The following PCDH11X variants were observed in gnomAD, a reference collection of about 807,000 sequenced individuals.
The protein encoded by PCDH11X is protocadherin-11 X-linked.
Under a neutral mutation model 53.3 loss-of-function variants are expected in PCDH11X, and 18 were observed. The observed-to-expected ratio is 0.34, with a 90% CI of 0.23 to 0.50. PCDH11X has a LOEUF of 0.50. Ranked by LOEUF, PCDH11X falls within the 20% of genes least tolerant of loss-of-function variation. The pLI is 0.98. For synonymous variants in PCDH11X, 279 were observed against 393.3 expected (o/e 0.71, Z 3.44); for missense variants, 570 against 1,032.4 (o/e 0.55, Z 6.14).
intron 6 of PCDH11X, among the ~76,000 whole-genome samples, chrX:92,016,289 T>C (rs1016550008): frequency 2.6e-4 from 28 of 109,167 alleles, no homozygotes; most frequent in African/African-American, 8.9e-4. Context: ...ATCATTGGCT[T>C]CAATTTAAAG....
intron 6 of PCDH11X, among the ~76,000 whole-genome samples, chrX:91,906,493 G>GTCAGAA (rs1239560458): frequency 9.1e-6 from 1 of 109,579 alleles, no homozygotes; most frequent in African/African-American, 3.3e-5. Context: ...GCATTTGGAG[G>GTCAGAA]TCAGAATCTA....
intron 10 of PCDH11X, among the ~76,000 whole-genome samples, chrX:92,534,796 C>G (rs973953345): frequency 9.0e-6 from 1 of 111,517 alleles, no homozygotes; most frequent in Admixed American, 9.5e-5. Context: ...TCATATCCAG[C>G]CAAACTAAGC....
intron 10 of PCDH11X, among the ~76,000 whole-genome samples, chrX:92,554,562 T>C (rs1048119616): frequency 1.3e-4 from 11 of 83,126 alleles, no homozygotes; most frequent in Non-Finnish European, 2.9e-4. Flanking sequence ...TTGATAATCC[T>C]CCATTTTTAT....
intron 6 of PCDH11X, among the ~76,000 whole-genome samples, chrX:91,907,433 A>AGAGG (rs1941222272): frequency 1.0e-5 from 1 of 99,931 alleles, no homozygotes; most frequent in Non-Finnish European, 2.0e-5. Flanking sequence ...AGAGAGAGAG[A>AGAGG]GAGAGAGAGG....
At chrX:92,084,636 T>C (rs770740946) in intron 6 of PCDH11X, among the ~76,000 whole-genome samples, 1 of 111,415 alleles carries the variant, frequency 9.0e-6, no homozygotes, top group Admixed American at 9.6e-5. Context: ...TGAGAAAGAT[T>C]TTATTATACT....
intron 6 of PCDH11X, among the ~76,000 whole-genome samples, chrX:92,101,977 C>T (rs1326317671): frequency 1.8e-5 from 2 of 111,568 alleles, no homozygotes; most frequent in African/African-American, 6.5e-5. Context: ...GGCGATTAGG[C>T]CTGGTGGAAC....
At chrX:91,866,977 G>C (rs1267955792) in intron 5 of PCDH11X, among the ~76,000 whole-genome samples, 2 of 111,825 alleles carry the variant, frequency 1.8e-5, no homozygotes, top group African/African-American at 6.5e-5. Flanking sequence ...CTTTAAGCTT[G>C]TCACTTGCTG....
chrX:91,868,870 TA>T (rs1939130846), intron 5 of PCDH11X, among the ~76,000 whole-genome samples: 1 of 111,600 alleles, frequency 9.0e-6, no homozygotes, highest in South Asian at 3.7e-4. Context: ...ACCTGCAACA[TA>T]AAAAGCTTTT....
At chrX:92,074,554 T>C (rs1213963969) in intron 6 of PCDH11X, among the ~76,000 whole-genome samples, 1 of 112,062 alleles carries the variant, frequency 8.9e-6, no homozygotes, top group Non-Finnish European at 1.9e-5. Flanking sequence ...TCAATACTCA[T>C]TTTTATGTTA....
intron 6 of PCDH11X, among the ~76,000 whole-genome samples, chrX:92,030,404 G>C (rs1486657876): frequency 9.2e-6 from 1 of 108,587 alleles, no homozygotes; most frequent in African/African-American, 3.4e-5. Context: ...AGGTAGATGA[G>C]ATACTTTGAT....
intron 6 of PCDH11X, among the ~76,000 whole-genome samples, chrX:92,102,787 G>A (rs1229929464): frequency 9.0e-6 from 1 of 111,206 alleles, no homozygotes; most frequent in Non-Finnish European, 1.9e-5. Flanking sequence ...AGAGTATATG[G>A]GTTTGGCACC....
At chrX:92,107,161 G>C (rs1248552080) in intron 6 of PCDH11X, among the ~76,000 whole-genome samples, 1 of 110,975 alleles carries the variant, frequency 9.0e-6, no homozygotes, top group African/African-American at 3.3e-5. Flanking sequence ...ATCACTTTGA[G>C]TTAGTCTGCC....
intron 10 of PCDH11X, among the ~76,000 whole-genome samples, chrX:92,528,764 A>T (rs1056209731): frequency 8.9e-6 from 1 of 111,917 alleles, no homozygotes; most frequent in Non-Finnish European, 1.9e-5. Flanking sequence ...AGTTTTAAGT[A>T]TGAAAAAAAG....
intron 10 of PCDH11X, among the ~76,000 whole-genome samples, chrX:92,585,458 G>A (rs896172349): frequency 9.7e-6 from 1 of 102,808 alleles, no homozygotes; most frequent in East Asian, 3.1e-4. Flanking sequence ...TGCAAGCTCC[G>A]CCTCCCGGGT....
chrX:92,602,969 C>T (rs1253865960), intron 10 of PCDH11X, among the ~76,000 whole-genome samples: 1 of 93,165 alleles, frequency 1.1e-5, no homozygotes, highest in Non-Finnish European at 2.0e-5. Context: ...TACAAAGAAG[C>T]CATTATAATC....
chrX:92,558,377 A>G (rs188262726), intron 10 of PCDH11X, among the ~76,000 whole-genome samples: 2,282 of 111,903 alleles, frequency 0.02, 63 homozygotes, highest in African/African-American at 0.069. Flanking sequence ...TGCTCATAGA[A>G]GAGTTACATT....
intron 7 of PCDH11X, among the ~76,000 whole-genome samples, chrX:92,222,924 A>AT (rs1487679064): frequency 6.2e-5 from 7 of 112,295 alleles, no homozygotes; most frequent in Admixed American, 1.9e-4. Flanking sequence ...AGTTACTTTC[A>AT]TGCCTATCCA....
At chrX:92,521,779 C>T (rs1191072343) in intron 10 of PCDH11X, among the ~76,000 whole-genome samples, 7 of 108,464 alleles carry the variant, frequency 6.5e-5, no homozygotes, top group Non-Finnish European at 1.3e-4. Flanking sequence ...ATCTGGATAA[C>T]TTCCTGCAGT....
intron 9 of PCDH11X, among the ~76,000 whole-genome samples, chrX:92,437,710 C>T (rs767323799): frequency 1.8e-5 from 2 of 110,701 alleles, no homozygotes; most frequent in Admixed American, 1.9e-4. Flanking sequence ...GCAACAGGTG[C>T]AGAACTTTTC....
Sources: gnomAD v4.1 joint callset for allele counts (sites outside exome capture counted in the v4.1 genomes callset) on GRCh38, gnomAD v4.1.1 for gene constraint, MANE v1.5 for transcripts, NCBI Gene and HGNC (gene_info 2026-07-23, HGNC 2026-07-21) for gene names.